The following DGKZ variants were observed in gnomAD, a reference collection of about 807,000 sequenced individuals.
DGKZ encodes the protein diacylglycerol kinase zeta.
A neutral mutation model predicts 142.5 loss-of-function variants in DGKZ; 45 were observed. The observed-to-expected ratio is 0.32, with a 90% CI of 0.25 to 0.40. DGKZ has a LOEUF of 0.40. DGKZ is among the 10% of genes least tolerant of loss of function. The pLI, the probability that DGKZ is intolerant of heterozygous loss-of-function variation, is 1.00. For synonymous variants in DGKZ, 442 were observed against 527.0 expected (o/e 0.84, Z 2.21); for missense variants, 755 against 1,306.5 (o/e 0.58, Z 6.51).
chr11:46,369,977 C>T lies in DGKZ; in HGVS notation c.538C>T (p.Arg180Cys), dbSNP rs1390265828. The stretch of plus-strand genomic sequence containing the variant: ...ACGGCACCACTGGGTACACAGACGA[C>T]GCCAGGACGGCAAGTGTCGGCACTG... Residue 180 changes from arginine to cysteine, a missense_variant, in exon 6 of 31, where the codon CGC (arginine) becomes TGC (cysteine). By Grantham distance (180) the Arg-to-Cys change is radical. Coordinates refer to ENST00000527911, the Ensembl canonical transcript of DGKZ. The T allele has an allele frequency of 3.7e-6, 6 of 1,613,752 alleles. No homozygotes were observed. The African/African-American group carries it at 4.0e-5, about 11-fold the overall frequency.
At chr11:46,360,918 G>A (rs1942573436) in intron 1 of DGKZ, among the ~76,000 whole-genome samples, 1 of 152,200 alleles carries the variant, frequency 6.6e-6, no homozygotes, top group Admixed American at 6.5e-5. Flanking sequence ...ATATAACACA[G>A]ACTGGTGTCT....
intron 1 of DGKZ, chr11:46,364,726 C>T: frequency 1.0e-6 from 1 of 985,448 alleles, no homozygotes; most frequent in East Asian, 1.1e-4. Flanking sequence ...GCGGCCTGGG[C>T]CTGACTCCTC....
chr11:46,373,834 C>T (rs56042703), intron 14 of DGKZ, among the ~76,000 whole-genome samples: 4,831 of 152,296 alleles, frequency 0.032, 118 homozygotes, highest in Non-Finnish European at 0.047. Context: ...ATGCACTGAG[C>T]GCCTGCTACC....
chr11:46,361,799 C>T (rs1025353953), intron 1 of DGKZ: 3 of 499,076 alleles, frequency 6.0e-6, no homozygotes, highest in South Asian at 8.4e-5. Context: ...CGGGCGGACC[C>T]GGGCCCCACC....
chr11:46,370,050 G>A (rs372517812), intron 6 of DGKZ, 41 bp downstream of exon 6: 130 of 1,611,598 alleles, frequency 8.1e-5, no homozygotes, highest in Non-Finnish European at 9.8e-5. Flanking sequence ...CTGCACCTGC[G>A]GTCCTGAGCC....
upstream of DGKZ, among the ~76,000 whole-genome samples, chr11:46,344,574 C>T (rs1319525087): frequency 6.6e-6 from 1 of 151,866 alleles, no homozygotes; most frequent in Non-Finnish European, 1.5e-5. Context: ...CTGCCTCAGC[C>T]TCCCAAGTAG....
Position 46,339,051 on chromosome 11 carries a change from G to A in DGKZ, c.212+5564G>A, listed in dbSNP as rs561451000. Among the ~76,000 whole-genome samples, 16 of 152,260 alleles carry A rather than the reference G, an allele frequency of 1.1e-4. No homozygotes were observed. The South Asian group carries it at 2.9e-3, about 28-fold the overall frequency. On this transcript the variant is annotated intron_variant, in intron 1 of 30. Coordinates refer to the DGKZ transcript ENST00000343674. ...AGACTAAAAGCAAGGCTGAGCATGCGCGCATGTCCCAGCCTACGGTCCTCC... is the reference window on the plus strand; with the variant it reads ...AGACTAAAAGCAAGGCTGAGCATGCACGCATGTCCCAGCCTACGGTCCTCC...
Position 46,367,506 on chromosome 11 carries a change from G to A in DGKZ, c.270+107G>A. 1 of 1,374,936 alleles carries A rather than the reference G, an allele frequency of 7.3e-7. No homozygotes were observed. The highest frequency in any genetic ancestry group is 1.0e-6 in the Non-Finnish European group (1 of 1,001,242). 85.2% of individuals were successfully genotyped at this position (1,374,936 alleles called of 1,614,324 possible). On this transcript the variant is annotated intron_variant, in intron 2 of 30. Coordinates refer to ENST00000527911, the Ensembl canonical transcript of DGKZ. This position sits in a 1 kb window ranked among gnomAD's most constrained non-coding sequence, Gnocchi z 4.1. ...AGCTGGGAGAGCCAAGCCTGGAAGG[G>A]TTGGGACAGTGGGGCAGACGGAACA...
At chr11:46,365,114 G>A (rs1044021188) in intron 1 of DGKZ, 21 of 985,306 alleles carry the variant, frequency 2.1e-5, no homozygotes, top group Non-Finnish European at 2.4e-5. Flanking sequence ...AGCTGGCAGA[G>A]GGAGCAAAGC....
rs189883027 is a variant in DGKZ, at chr11:46,339,152, G to A, written c.212+5665G>A. ...GGCAGATGAGGATGCCCCCTGCCGT[G>A]GGCACGCTGCTGCGGGTCCACGACT... is the stretch of plus-strand genomic sequence containing the variant. On this transcript the variant is annotated intron_variant, in intron 1 of 30. Transcript: ENST00000343674. Among the ~76,000 whole-genome samples the A allele has an allele frequency of 9.5e-4, 145 of 152,344 alleles. 1 individual carries two copies. In the East Asian group the frequency reaches 0.021, roughly 22 times the overall value.
At position 46,347,469 on chromosome 11, in the gene DGKZ, T is replaced by C. The variant is rs971749893; in HGVS notation, c.-191T>C. 5.1e-6 allele frequency: 5 copies of C among 981,820 alleles called. No homozygotes were observed. The highest frequency in any genetic ancestry group is 1.8e-5 in the African/African-American group (1 of 56,554). 60.8% of individuals were successfully genotyped at this position (981,820 alleles called of 1,614,324 possible). A position where few individuals can be genotyped will look rare whatever the true frequency, so the allele number is the denominator to read the frequency against. On this transcript the variant is annotated 5_prime_UTR_variant, in exon 1 of 31. Coordinates refer to ENST00000527911, the Ensembl canonical transcript of DGKZ. The surrounding 1 kb of genome is among the most constrained non-coding windows in gnomAD (Gnocchi z 6.4). ...TCCTGCGGCCGCGGCTGGCGGCACT[T>C]CCTGGAGCGGCGGCGGCAGCGGCTT...
chr11:46,372,226 C>T lies in DGKZ; in HGVS notation c.927+56C>T, dbSNP rs372556184. ...CTCGGGCGGGGGTTGGGGTCCAGCC[C>T]GTCTGCCAGCAGCTGTTCCCAGAGC... On this transcript the variant is annotated intron_variant, in intron 10 of 30. Coordinates refer to ENST00000527911, the Ensembl canonical transcript of DGKZ. This position sits in a 1 kb window ranked among gnomAD's most constrained non-coding sequence, Gnocchi z 5.9. 1.3e-3 allele frequency: 1,922 copies of T among 1,483,684 alleles called. 30 individuals carry two copies. The South Asian group carries it at 0.023, about 18-fold the overall frequency. The allele number at this position is 1,483,684 out of a possible 1,614,324, so 91.9% of individuals were successfully genotyped here. A position where few individuals can be genotyped will look rare whatever the true frequency, so the allele number is the denominator to read the frequency against.
intron 4 of DGKZ, chr11:46,368,569 G>C (rs72910088): frequency 3.6e-6 from 1 of 281,578 alleles, no homozygotes; most frequent in Non-Finnish European, 7.0e-6. Flanking sequence ...AGAAGGGTTC[G>C]CATGGAGGGG....
At chr11:46,368,323 A>C in intron 4 of DGKZ, 1 of 562,990 alleles carries the variant, frequency 1.8e-6, no homozygotes, top group Non-Finnish European at 3.3e-6. Flanking sequence ...ATATCACTCA[A>C]TGGAATGAAT....
chr11:46,367,305 A>G lies in DGKZ; in HGVS notation c.176A>G (p.Lys59Arg). ...CTCCTCTCTAGGAAAGCCATCACCAAGTCGGGCCTCCAGCACCTGGCCCCC... is the reference window on the plus strand; with the variant it reads ...CTCCTCTCTAGGAAAGCCATCACCAGGTCGGGCCTCCAGCACCTGGCCCCC... The change falls in exon 2 of 31, where the codon AAG becomes AGG. Residue 59 changes from lysine (K) to arginine (R), a missense_variant. Coordinates refer to ENST00000527911, the Ensembl canonical transcript of DGKZ. The surrounding 1 kb of genome is among the most constrained non-coding windows in gnomAD (Gnocchi z 4.1). 6.2e-7 allele frequency: 1 copy of G among 1,612,138 alleles called. No homozygotes were observed. The highest frequency in any genetic ancestry group is 1.1e-5 in the South Asian group (1 of 91,022).
At position 46,372,093 on chromosome 11, in the gene DGKZ, T is replaced by TTCA; in HGVS notation, c.857_859dup (p.Ile286dup). The TTCA allele has an allele frequency of 6.2e-7, 1 of 1,610,962 alleles. No homozygotes were observed. On this transcript the variant is annotated inframe_insertion, in exon 10 of 31. Transcript: ENST00000527911. This position sits in a 1 kb window ranked among gnomAD's most constrained non-coding sequence, Gnocchi z 5.9. Reference sequence around the variant, plus strand: ...CTCCCAGGAGGGCCGCTGGAGACCCTTCATCATCAGGCCCACCCCCTCCCC... The same window carrying TTCA: ...CTCCCAGGAGGGCCGCTGGAGACCCTTCATCATCATCAGGCCCACCCCCTCCCC...
Position 46,372,547 on chromosome 11 carries a change from G to T in DGKZ, c.1010+37G>T. 1.2e-6 allele frequency: 2 copies of T among 1,613,894 alleles called. No homozygotes were observed. Among genetic ancestry groups the T allele is most frequent in the Non-Finnish European group, 1.7e-6 (2 of 1,179,928 alleles). On this transcript the variant is annotated intron_variant, in intron 11 of 30. Transcript: ENST00000527911. The surrounding 1 kb of genome is among the most constrained non-coding windows in gnomAD (Gnocchi z 5.9). ...CCAAGGTTTTGTGGGGGACATGGGG[G>T]GGAACTTGCCTCACTCCTGGGGTAC...
chr11:46,366,841 G>A (rs762865139), intron 1 of DGKZ: 1 of 1,546,068 alleles, frequency 6.5e-7, no homozygotes, highest in Non-Finnish European at 8.7e-7. Context: ...CCTCAGGCCA[G>A]CACCCTGGCC....
At chr11:46,343,435 T>C (rs1486198066), upstream of DGKZ, among the ~76,000 whole-genome samples, 1 of 152,198 alleles carries the variant, frequency 6.6e-6, no homozygotes. Context: ...GCATAAATGT[T>C]TACTGAACTG....
Sources: allele counts gnomAD v4.1 joint callset (sites outside exome capture counted in the v4.1 genomes callset), GRCh38; gene constraint gnomAD v4.1.1; non-coding constraint Gnocchi (gnomAD v3.1); transcripts MANE v1.5; gene names NCBI Gene and HGNC (gene_info 2026-07-23, HGNC 2026-07-21).